The following PCDH15 variants were observed in gnomAD, a reference collection of about 807,000 sequenced individuals.
The protein encoded by PCDH15 is protocadherin related 15.
In PCDH15, 129 loss-of-function variants were observed where a neutral mutation model predicts 178.5. That is an observed-to-expected ratio of 0.72 (90% CI 0.63 to 0.84). The LOEUF (loss-of-function observed/expected upper bound fraction) is 0.84. Among genes scored for constraint, PCDH15 ranks in the 40% least tolerant of loss-of-function variants. PCDH15 has a pLI of 0.00. For missense variants in PCDH15, 2,230 were observed against 2,099.9 expected (o/e 1.06, Z -1.21); for synonymous variants, 800 against 732.0 (o/e 1.09, Z -1.50).
At chr10:54,960,601 T>G (rs1248304083) in intron 2 of PCDH15, among the ~76,000 whole-genome samples, 1 of 152,196 alleles carries the variant, frequency 6.6e-6, no homozygotes, top group Non-Finnish European at 1.5e-5. Flanking sequence ...TAACACCCAG[T>G]CCTTGTTTTC....
At chr10:54,232,046 A>G (rs1295466092) in intron 9 of PCDH15, among the ~76,000 whole-genome samples, 1 of 151,910 alleles carries the variant, frequency 6.6e-6, no homozygotes, top group Non-Finnish European at 1.5e-5. Context: ...TGTGAGAATG[A>G]CATGAGATTT....
At chr10:54,593,644 AT>A (rs1420496133) in intron 2 of PCDH15, among the ~76,000 whole-genome samples, 1 of 151,924 alleles carries the variant, frequency 6.6e-6, no homozygotes, top group Non-Finnish European at 1.5e-5. Context: ...TGGTTTAGCT[AT>A]TTGCTATTTG....
At chr10:54,941,892 G>A (rs1838072760) in intron 2 of PCDH15, among the ~76,000 whole-genome samples, 2 of 151,972 alleles carry the variant, frequency 1.3e-5, no homozygotes, top group African/African-American at 2.4e-5. Flanking sequence ...TCTGGGCGAT[G>A]CAGTAACTGC....
intron 2 of PCDH15, among the ~76,000 whole-genome samples, chr10:55,051,841 A>C (rs755040644): frequency 1.3e-4 from 20 of 152,190 alleles, no homozygotes; most frequent in Non-Finnish European, 2.2e-4. Flanking sequence ...AAATTTAAGC[A>C]TATGAACACA....
chr10:54,562,328 G>A (rs2088297113), intron 2 of PCDH15, among the ~76,000 whole-genome samples: 1 of 152,046 alleles, frequency 6.6e-6, no homozygotes, highest in Non-Finnish European at 1.5e-5. Flanking sequence ...TGTAAGGATT[G>A]TATAATTCTA....
At chr10:55,123,380 AT>A (rs569797348) in intron 2 of PCDH15, among the ~76,000 whole-genome samples, 16 of 152,052 alleles carry the variant, frequency 1.1e-4, no homozygotes, top group South Asian at 2.1e-4. Flanking sequence ...TAAAAACAAA[AT>A]TTTTTTAATG....
chr10:55,054,506 A>G (rs1841246565), intron 2 of PCDH15, among the ~76,000 whole-genome samples: 2 of 151,980 alleles, frequency 1.3e-5, no homozygotes, highest in Non-Finnish European at 2.9e-5. Flanking sequence ...ATGTTTCTTT[A>G]TGACTGGATG....
At chr10:53,854,607 C>G (rs551209723) in intron 28 of PCDH15, among the ~76,000 whole-genome samples, 1 of 152,044 alleles carries the variant, frequency 6.6e-6, no homozygotes, top group African/African-American at 2.4e-5. Flanking sequence ...ATCTCTGTGT[C>G]TGAAACCATA....
chr10:55,534,690 T>C (rs1841531904), intron 2 of PCDH15, among the ~76,000 whole-genome samples: 2 of 152,088 alleles, frequency 1.3e-5, no homozygotes, highest in Admixed American at 1.3e-4. Context: ...AGAGCTGCAT[T>C]AGACCCATCA....
At chr10:54,004,426 C>CACACACACACACACACACA (rs35001487) in intron 20 of PCDH15, among the ~76,000 whole-genome samples, 4 of 96,830 alleles carry the variant, frequency 4.1e-5, no homozygotes, top group African/African-American at 1.1e-4. Context: ...CACACACACA[C>CACACACACACACACACACA]CACACAAAGT....
intron 1 of PCDH15, among the ~76,000 whole-genome samples, chr10:55,262,918 G>A (rs1245342370): frequency 6.6e-6 from 1 of 152,126 alleles, no homozygotes; most frequent in Non-Finnish European, 1.5e-5. Flanking sequence ...TGGGACTTCA[G>A]CTGTAAACAT....
At chr10:54,562,501 C>A (rs977254860) in intron 2 of PCDH15, among the ~76,000 whole-genome samples, 1 of 152,046 alleles carries the variant, frequency 6.6e-6, no homozygotes, top group Non-Finnish European at 1.5e-5. Context: ...TCATGGCATA[C>A]AAAGTCATGT....
At chr10:55,075,744 G>C (rs995474725) in intron 2 of PCDH15, among the ~76,000 whole-genome samples, 9 of 150,470 alleles carry the variant, frequency 6.0e-5, no homozygotes, top group African/African-American at 2.2e-4. Context: ...ATTTACTTCT[G>C]CTCTGATCTT....
At chr10:55,488,305 AAAC>A (rs1475670858) in intron 2 of PCDH15, among the ~76,000 whole-genome samples, 8 of 151,630 alleles carry the variant, frequency 5.3e-5, no homozygotes, top group African/African-American at 1.9e-4. Context: ...TTTTCTCAAT[AAAC>A]AACAATTGAT....
Position 53,806,015 on chromosome 10 carries a change from TAAAG to T in PCDH15, c.*560_*563del, listed in dbSNP as rs1166002466. The stretch of plus-strand genomic sequence containing the variant: ...ATGTGAAAACCTTTATACAGGACAA[TAAAG>T]AAAGAAAACAAGCTCATGATTTAAA... On this transcript the variant is annotated 3_prime_UTR_variant, in exon 38 of 38. Transcript: ENST00000644397. The T allele has an allele frequency of 1.3e-5, 2 of 151,440 alleles. No homozygotes were observed. The highest frequency in any genetic ancestry group is 2.9e-5 in the Non-Finnish European group (2 of 68,564). The allele number at this position is 151,440 out of a possible 1,614,324, so 9.4% of individuals were successfully genotyped here. A position where few individuals can be genotyped will look rare whatever the true frequency, so the allele number is the denominator to read the frequency against.
At chr10:54,895,340 G>A (rs1353643243) in intron 3 of PCDH15, among the ~76,000 whole-genome samples, 2 of 152,114 alleles carry the variant, frequency 1.3e-5, no homozygotes, top group African/African-American at 4.8e-5. Flanking sequence ...TAGGAAGGAT[G>A]ATCTAAACAC....
chr10:55,016,032 A>C (rs1840166532), intron 2 of PCDH15, among the ~76,000 whole-genome samples: 1 of 151,616 alleles, frequency 6.6e-6, no homozygotes, highest in South Asian at 2.1e-4. Context: ...AGGTTCCTTA[A>C]AAAGTTCTCA....
chr10:55,426,136 A>G (rs1838748372), intron 2 of PCDH15, among the ~76,000 whole-genome samples: 1 of 152,218 alleles, frequency 6.6e-6, no homozygotes, highest in Non-Finnish European at 1.5e-5. Flanking sequence ...TTCAAAAGCT[A>G]TAATTAAATG....
At chr10:54,699,896 T>C (rs2095285560) in intron 1 of PCDH15, among the ~76,000 whole-genome samples, 1 of 152,056 alleles carries the variant, frequency 6.6e-6, no homozygotes, top group Non-Finnish European at 1.5e-5. Context: ...ATGGACAAAA[T>C]GAACATATGA....
Sources: allele counts gnomAD v4.1 joint callset (sites outside exome capture counted in the v4.1 genomes callset), GRCh38; gene constraint gnomAD v4.1.1; transcripts MANE v1.5; gene names NCBI Gene and HGNC (gene_info 2026-07-23, HGNC 2026-07-21).